H6PD: variants seen among roughly 807,000 people sequenced by gnomAD.
H6PD encodes GDH/6PGL endoplasmic bifunctional protein.
H6PD carries 48 observed loss-of-function variants against 61.2 expected under a neutral mutation model. The ratio of observed to expected loss-of-function variants is 0.78; its 90% CI spans 0.62 to 1.00. H6PD has a LOEUF of 1.00. Among genes scored for constraint, H6PD ranks in the 50% least tolerant of loss-of-function variants. The pLI, the probability that H6PD is intolerant of heterozygous loss-of-function variation, is 0.00. For missense variants in H6PD, 1,093 were observed against 1,065.0 expected, an observed-to-expected ratio of 1.03 and a Z score of -0.37; for synonymous variants, 480 against 457.9, an observed-to-expected ratio of 1.05 and a Z score of -0.62.
In H6PD at chr1:9,246,969, G is replaced by A. The variant is rs1287413978; in HGVS notation, c.631G>A (p.Val211Met). 4.3e-6 allele frequency: 7 copies of A among 1,609,628 alleles called. No individual in the cohort carries two copies. The highest frequency in any genetic ancestry group is 6.0e-6 in the Non-Finnish European group (7 of 1,175,922). ...RVDHYLGKQA[V>M]AQILPFRDQN... ...CCCAGTCTTCCCCCCCCGACAGGCT[G>A]TGGCGCAGATCCTGCCTTTCCGAGA... The change falls in exon 3 of 5, where the codon GTG becomes ATG. Residue 211 changes from valine (V) to methionine (M), a missense_variant. Transcript: ENST00000377403.
intron 3 of H6PD, among the ~76,000 whole-genome samples, chr1:9,250,031 C>T (rs1424464466): frequency 6.6e-6 from 1 of 152,200 alleles, no homozygotes; most frequent in African/African-American, 2.4e-5. Context: ...TCTGTGCTGT[C>T]CTCTCTGAGT....
intron 3 of H6PD, among the ~76,000 whole-genome samples, chr1:9,261,420 C>T (rs750828295): frequency 3.3e-5 from 5 of 152,004 alleles, no homozygotes; most frequent in Non-Finnish European, 4.4e-5. Context: ...GCGAGGCTGG[C>T]TCTTCAGGTC....
Position 9,266,352 on chromosome 1 carries a change from G to A in H6PD, c.*1483G>A, listed in dbSNP as rs563298968. The A allele has an allele frequency of 2.6e-5, 4 of 152,370 alleles. No individual in the cohort carries two copies. Among genetic ancestry groups the A allele is most frequent in the East Asian group, 1.9e-4 (1 of 5,188 alleles). The allele number at this position is 152,370 out of a possible 1,614,324, so 9.4% of individuals were successfully genotyped here. A position where few individuals can be genotyped will look rare whatever the true frequency, so the allele number is the denominator to read the frequency against. On this transcript the variant is annotated 3_prime_UTR_variant, in exon 5 of 5. Coordinates refer to ENST00000377403, the MANE Select transcript of H6PD (RefSeq NM_004285.4). ...TCTGCCTGAGACTGGGGAAGTAAGC[G>A]GGTATCTTCTCAGTGAGCATAGGTT...
intron 3 of H6PD, 71 bp downstream of exon 3, chr1:9,247,154 C>T (rs915564285): frequency 8.1e-5 from 86 of 1,058,078 alleles, no homozygotes; most frequent in African/African-American, 3.1e-5. Context: ...AGGCATGGGG[C>T]GCTTCTCAGA....
intron 4 of H6PD, among the ~76,000 whole-genome samples, chr1:9,262,997 C>T (rs546642432): frequency 6.6e-6 from 1 of 152,194 alleles, no homozygotes; most frequent in Non-Finnish European, 1.5e-5. Context: ...GCTCTTGCCA[C>T]CAGGCCTTGT....
At chr1:9,237,992 A>G (rs1640898303) in intron 1 of H6PD, among the ~76,000 whole-genome samples, 1 of 152,250 alleles carries the variant, frequency 6.6e-6, no homozygotes, top group Non-Finnish European at 1.5e-5. Flanking sequence ...ACAATAGGCA[A>G]AATGAATGTA....
At chr1:9,243,832 C>T (rs957802386) in intron 1 of H6PD, among the ~76,000 whole-genome samples, 1 of 132,440 alleles carries the variant, frequency 7.6e-6, no homozygotes, top group Non-Finnish European at 1.5e-5. Context: ...CTAGGACCCT[C>T]TTGGACATGA....
At position 9,264,399 on chromosome 1, in the gene H6PD, C is replaced by G; in HGVS notation, c.1906C>G (p.Leu636Val). Residue 636 changes from leucine to valine, a missense_variant, in exon 5 of 5, where the codon CTG becomes GTG. Leu to Val is a conservative substitution (Grantham distance 32). Transcript: ENST00000377403. The stretch of plus-strand genomic sequence containing the variant: ...AGACCCGGAGTCCAACTTCCAGGGC[C>G]TGCAGGCCCACCTGCTGCAGCACGT... Reference protein sequence around the residue: ...LSDPESNFQGLQAHLLQHVRI... With the variant: ...LSDPESNFQGVQAHLLQHVRI... The G allele has an allele frequency of 6.2e-7, 1 of 1,613,084 alleles. No individual in the cohort carries two copies. The highest frequency in any genetic ancestry group is 8.5e-7 in the Non-Finnish European group (1 of 1,179,960).
At chr1:9,248,891 C>T (rs1001809099) in intron 3 of H6PD, among the ~76,000 whole-genome samples, 4 of 152,204 alleles carry the variant, frequency 2.6e-5, no homozygotes, top group Non-Finnish European at 5.9e-5. Flanking sequence ...TCAGCCAGGG[C>T]GCTGGCCGTG....
rs1641450660 is a variant in H6PD, at chr1:9,254,235, A to G, written c.745+7152A>G. Among the ~76,000 whole-genome samples, 1 of 152,132 alleles carries G rather than the reference A, an allele frequency of 6.6e-6. No individual in the cohort carries two copies. Among genetic ancestry groups the G allele is most frequent in the African/African-American group, 2.4e-5 (1 of 41,418 alleles). ...CCAGGCATGGTAGTTTGTGCCTGTAATCCCAGCTACTCGGGAGGCTGAGGC... is the reference window on the plus strand; with the variant it reads ...CCAGGCATGGTAGTTTGTGCCTGTAGTCCCAGCTACTCGGGAGGCTGAGGC... On this transcript the variant is annotated intron_variant, in intron 3 of 4. Coordinates refer to ENST00000377403, the MANE Select transcript of H6PD (RefSeq NM_004285.4). The surrounding 1 kb of genome is among the most constrained non-coding windows in gnomAD (Gnocchi z 4.6).
chr1:9,264,931 C>G lies in H6PD; in HGVS notation c.*62C>G. 1 of 1,576,332 alleles carries G rather than the reference C, an allele frequency of 6.3e-7. No homozygotes were observed. On this transcript the variant is annotated 3_prime_UTR_variant, in exon 5 of 5. Coordinates refer to ENST00000377403, the MANE Select transcript of H6PD (RefSeq NM_004285.4). Reference sequence around the variant, plus strand: ...TTTCCTTCGCCCGTGTCTTCCCTCCCTTCTCGGCCCCGCCACCTGCCCAGC... The same window carrying G: ...TTTCCTTCGCCCGTGTCTTCCCTCCGTTCTCGGCCCCGCCACCTGCCCAGC...
At position 9,245,750 on chromosome 1, in the gene H6PD, G is replaced by T. The variant is rs1055042877; in HGVS notation, c.627+189G>T. 9.2e-5 allele frequency among the ~76,000 whole-genome samples: 14 copies of T among 152,190 alleles called. No homozygotes were observed. Among genetic ancestry groups the T allele is most frequent in the Non-Finnish European group, 4.4e-5 (3 of 68,018 alleles). Reference sequence around the variant, plus strand: ...AGACAGCAGCAGGGCAGGACTGTTGGGTCCTTGTCCATGTGTCTGGCCTCT... The same window carrying T: ...AGACAGCAGCAGGGCAGGACTGTTGTGTCCTTGTCCATGTGTCTGGCCTCT... On this transcript the variant is annotated intron_variant, in intron 2 of 4. Coordinates refer to ENST00000377403, the MANE Select transcript of H6PD (RefSeq NM_004285.4). The surrounding 1 kb of genome is among the most constrained non-coding windows in gnomAD (Gnocchi z 4.8).
At chr1:9,240,305 C>T (rs940445354) in intron 1 of H6PD, among the ~76,000 whole-genome samples, 3 of 152,188 alleles carry the variant, frequency 2.0e-5, no homozygotes, top group African/African-American at 7.2e-5. Flanking sequence ...GAATGACGCA[C>T]AGTTCTCAGC....
chr1:9,234,836 G>C lies in H6PD; in HGVS notation c.-241G>C, dbSNP rs1451927629. 1 of 147,312 alleles carries C rather than the reference G, an allele frequency of 6.8e-6. No homozygotes were observed. Among genetic ancestry groups the C allele is most frequent in the Non-Finnish European group, 1.5e-5 (1 of 66,272 alleles). 9.1% of individuals were successfully genotyped at this position (147,312 alleles called of 1,614,324 possible). ...TGAGGCCTGGGGCGGGGTGGCGGCCGGGCTGGCCTTGGCCTCGCGCCTTCC... is the reference window on the plus strand; with the variant it reads ...TGAGGCCTGGGGCGGGGTGGCGGCCCGGCTGGCCTTGGCCTCGCGCCTTCC... On this transcript the variant is annotated 5_prime_UTR_variant, in exon 1 of 5. Coordinates refer to ENST00000377403, the MANE Select transcript of H6PD (RefSeq NM_004285.4).
chr1:9,237,230 A>G (rs1570072160), intron 1 of H6PD, among the ~76,000 whole-genome samples: 2 of 85,678 alleles, frequency 2.3e-5, no homozygotes, highest in Admixed American at 1.3e-4. Context: ...AAGTTATTTG[A>G]CTTCTCTTTT....
In H6PD at chr1:9,245,241, C is replaced by T. The variant is rs765982582; in HGVS notation, c.307C>T (p.Leu103=). Residue 103 remains leucine (L), a synonymous_variant, in exon 2 of 5, where the codon CTG becomes TTG. Transcript: ENST00000377403. This position sits in a 1 kb window ranked among gnomAD's most constrained non-coding sequence, Gnocchi z 4.8. The part of the protein sequence containing the change: ...SHCAEHKDQF[L]QLSQYRQLKT... ...CTGTGCAGAGCACAAGGATCAGTTC[C>T]TGCAGCTGAGCCAGTACCGCCAACT... 1.9e-6 allele frequency: 3 copies of T among 1,614,244 alleles called. No homozygotes were observed. The Admixed American group carries it at 5.0e-5, about 27-fold the overall frequency.
At position 9,262,316 on chromosome 1, in the gene H6PD, C is replaced by G; in HGVS notation, c.1003C>G (p.Pro335Ala). The change falls in exon 4 of 5, where the codon CCG becomes GCG. Residue 335 changes from proline (P) to alanine (A), a missense_variant. Coordinates refer to ENST00000377403, the MANE Select transcript of H6PD (RefSeq NM_004285.4). ...QKPDSFHSLT[P>A]TFAAVLVHID... The stretch of plus-strand genomic sequence containing the variant: ...GCCAGACAGCTTCCACAGCCTGACG[C>G]CGACCTTCGCAGGTGGGCCCTGGGG... 1 of 1,603,414 alleles carries G rather than the reference C, an allele frequency of 6.2e-7. No individual in the cohort carries two copies. Among genetic ancestry groups the G allele is most frequent in the Non-Finnish European group, 8.5e-7 (1 of 1,175,164 alleles).
At chr1:9,248,966 C>T (rs1437271281) in intron 3 of H6PD, among the ~76,000 whole-genome samples, 2 of 152,226 alleles carry the variant, frequency 1.3e-5, no homozygotes, top group East Asian at 3.8e-4. Context: ...CCTATGCCTG[C>T]TTCATCTTCA....
Position 9,265,173 on chromosome 1 carries a change from C to G in H6PD, c.*304C>G. 3 of 485,230 alleles carry G rather than the reference C, an allele frequency of 6.2e-6. No individual in the cohort carries two copies. Among genetic ancestry groups the G allele is most frequent in the South Asian group, 2.1e-5 (1 of 48,090 alleles). 30.1% of individuals were successfully genotyped at this position (485,230 alleles called of 1,614,324 possible). Reference sequence around the variant, plus strand: ...GCAGTTACACATTCATATCAACCAGCACAACACGGGATGGCGCCCAAACTC... The same window carrying G: ...GCAGTTACACATTCATATCAACCAGGACAACACGGGATGGCGCCCAAACTC... On this transcript the variant is annotated 3_prime_UTR_variant, in exon 5 of 5. Coordinates refer to ENST00000377403, the MANE Select transcript of H6PD (RefSeq NM_004285.4).
Sources: gnomAD v4.1 joint callset for allele counts (sites outside exome capture counted in the v4.1 genomes callset) on GRCh38, gnomAD v4.1.1 for gene constraint, Gnocchi (gnomAD v3.1) non-coding constraint, MANE v1.5 for transcripts, NCBI Gene and HGNC (gene_info 2026-07-23, HGNC 2026-07-21) for gene names.